PDS5A: variants seen among roughly 807,000 people sequenced by gnomAD.
PDS5A encodes the protein PDS5 cohesin associated factor A, also known as sister chromatid cohesion protein PDS5 homolog A.
In PDS5A, 42 loss-of-function variants were observed where a neutral mutation model predicts 167.1. The observed-to-expected ratio is 0.25, with a 90% CI of 0.20 to 0.33. The LOEUF (loss-of-function observed/expected upper bound fraction) is 0.33. PDS5A is among the 10% of genes least tolerant of loss of function. PDS5A has a pLI of 1.00. For synonymous variants in PDS5A, 553 were observed against 554.6 expected, an observed-to-expected ratio of 1.00 and a Z score of 0.04; for missense variants, 1,033 against 1,605.9, an observed-to-expected ratio of 0.64 and a Z score of 6.10.
chr4:39,879,183 C>T (rs1043050814), intron 18 of PDS5A, among the ~76,000 whole-genome samples: 19 of 152,066 alleles, frequency 1.2e-4, no homozygotes, highest in African/African-American at 4.3e-4. Flanking sequence ...CCTTCTTTTA[C>T]TCAATCCAAT....
intron 2 of PDS5A, among the ~76,000 whole-genome samples, chr4:39,947,275 G>A (rs1727868165): frequency 6.6e-6 from 1 of 152,086 alleles, no homozygotes; most frequent in Non-Finnish European, 1.5e-5. Context: ...CTAACATTGT[G>A]AAACCCCATC....
chr4:39,955,918 C>T (rs954966172), intron 2 of PDS5A, among the ~76,000 whole-genome samples: 23 of 151,914 alleles, frequency 1.5e-4, no homozygotes, highest in African/African-American at 5.6e-4. Flanking sequence ...AGTTCGAGAC[C>T]AGCCTGGCCA....
At chr4:39,937,087 C>T (rs574296019) in intron 2 of PDS5A, among the ~76,000 whole-genome samples, 1 of 152,296 alleles carries the variant, frequency 6.6e-6, no homozygotes, top group East Asian at 1.9e-4. Flanking sequence ...TTAGTGTTCA[C>T]AGGATTCACT....
At chr4:39,845,693 T>C in intron 29 of PDS5A, 125 bp downstream of exon 29, 1 of 1,075,838 alleles carries the variant, frequency 9.3e-7, no homozygotes, top group South Asian at 3.5e-5. Flanking sequence ...ATGCTTTAAA[T>C]CCATAATGTG....
intron 2 of PDS5A, among the ~76,000 whole-genome samples, chr4:39,931,198 T>C (rs1726024808): frequency 6.6e-6 from 1 of 151,530 alleles, no homozygotes; most frequent in Non-Finnish European, 1.5e-5. Flanking sequence ...CAAGAGTTCC[T>C]TCCACCTCAG....
chr4:39,857,590 AAG>A (rs978535993), intron 26 of PDS5A, among the ~76,000 whole-genome samples: 4 of 152,172 alleles, frequency 2.6e-5, no homozygotes, highest in Admixed American at 1.3e-4. Flanking sequence ...CAGTAACCAT[AAG>A]AGAGATAAGT....
chr4:39,866,874 G>C lies in PDS5A; in HGVS notation c.2629C>G (p.Gln877Glu), dbSNP rs1719504338. Residue 877 changes from glutamine (Q) to glutamate (E), a missense_variant, in exon 23 of 33, where the codon CAA becomes GAA. Gln to Glu is a conservative substitution (Grantham distance 29). Around this residue, in one of 4 missense-constraint regions of PDS5A, gnomAD observed 367 missense variants for 686.7 expected, o/e 0.53. Coordinates refer to ENST00000303538, the MANE Select transcript of PDS5A (RefSeq NM_001100399.2). The part of the protein sequence containing the change: ...MLVSEGDLTE[Q>E]KRISKSDMSR... ...GAAAAATCTCACCTGATCCTCTTTTGCTCTGTCAGGTCACCCTCACTAACC... is the reference window on the plus strand; with the variant it reads ...GAAAAATCTCACCTGATCCTCTTTTCCTCTGTCAGGTCACCCTCACTAACC... 6.2e-7 allele frequency: 1 copy of C among 1,610,530 alleles called. No individual in the cohort carries two copies. The highest frequency in any genetic ancestry group is 1.1e-5 in the South Asian group (1 of 90,386).
At chr4:39,899,053 G>A (rs1437549243) in intron 14 of PDS5A, among the ~76,000 whole-genome samples, 8 of 152,108 alleles carry the variant, frequency 5.3e-5, no homozygotes, top group Admixed American at 3.3e-4. Flanking sequence ...GATGTTGGGA[G>A]GAAGGTACTT....
At chr4:39,843,074 C>T (rs1339277141) in intron 30 of PDS5A, among the ~76,000 whole-genome samples, 1 of 151,308 alleles carries the variant, frequency 6.6e-6, no homozygotes, top group Non-Finnish European at 1.5e-5. Flanking sequence ...TGTATGCCCC[C>T]ATGATGCCCA....
rs1033512601 is a variant in PDS5A, at chr4:39,824,610, T to C, written c.*875A>G. 1.3e-5 allele frequency: 2 copies of C among 152,628 alleles called. No homozygotes were observed. Among genetic ancestry groups the C allele is most frequent in the Non-Finnish European group, 1.5e-5 (1 of 68,024 alleles). The allele number at this position is 152,628 out of a possible 1,614,324, so 9.5% of individuals were successfully genotyped here. On this transcript the variant is annotated 3_prime_UTR_variant, in exon 33 of 33. Coordinates refer to ENST00000303538, the MANE Select transcript of PDS5A (RefSeq NM_001100399.2). ...TTGATTTTTTTTACATTAATAAAAA[T>C]CTGGTGACAAACATTATAAAACCAA...
chr4:39,960,094 A>G (rs924775312), intron 2 of PDS5A, among the ~76,000 whole-genome samples: 3 of 152,014 alleles, frequency 2.0e-5, no homozygotes, highest in African/African-American at 7.2e-5. Context: ...CTTCGTCTCA[A>G]AAAAACAAAC....
rs1560439962 is a variant in PDS5A at position 39,867,765 on chromosome 4, CACACACACACCCCA to C, written c.2506-782_2506-769del. The stretch of plus-strand genomic sequence containing the variant: ...ACACACACACACACACACACACACA[CACACACACACCCCA>C]CAACTGTACTGATTGTGGTGACTGA... On this transcript the variant is annotated intron_variant, in intron 22 of 32. Coordinates refer to ENST00000303538, the MANE Select transcript of PDS5A (RefSeq NM_001100399.2). Among the ~76,000 whole-genome samples the C allele has an allele frequency of 6.7e-5, 10 of 149,726 alleles. No homozygotes were observed. The South Asian group carries it at 1.7e-3, about 26-fold the overall frequency.
chr4:39,969,281 G>C (rs59407597), intron 2 of PDS5A, among the ~76,000 whole-genome samples: 29,606 of 152,146 alleles, frequency 0.19, 3,377 homozygotes, highest in South Asian at 0.27. Flanking sequence ...TGAAAAATTA[G>C]AACAGAAATA....
At chr4:39,974,405 CAAT>C in intron 2 of PDS5A, 1 of 356,296 alleles carries the variant, frequency 2.8e-6, no homozygotes, top group Non-Finnish European at 5.5e-6. Context: ...AATTTGAAAA[CAAT>C]AAATATTAAC....
In PDS5A at chr4:39,958,571, C is replaced by T. The variant is rs1729182574; in HGVS notation, c.138+17869G>A. Among the ~76,000 whole-genome samples, 4 of 149,252 alleles carry T rather than the reference C, an allele frequency of 2.7e-5. No individual in the cohort carries two copies. In the South Asian group the frequency reaches 8.5e-4, roughly 32 times the overall value. On this transcript the variant is annotated intron_variant, in intron 2 of 32. Coordinates refer to ENST00000303538, the MANE Select transcript of PDS5A (RefSeq NM_001100399.2). Reference sequence around the variant, plus strand: ...AGCCTTACCTAACCCTAACTTGCCTCAGCACAAGCAAAATAGTAGTACTCA... The same window carrying T: ...AGCCTTACCTAACCCTAACTTGCCTTAGCACAAGCAAAATAGTAGTACTCA...
At chr4:39,941,048 C>A (rs1305017478) in intron 2 of PDS5A, among the ~76,000 whole-genome samples, 1 of 152,178 alleles carries the variant, frequency 6.6e-6, no homozygotes, top group Non-Finnish European at 1.5e-5. Flanking sequence ...TTCAGGATTG[C>A]CAATCTAATA....
chr4:39,900,304 T>TA (rs1381286373), intron 14 of PDS5A, 122 bp downstream of exon 14: 1 of 629,954 alleles, frequency 1.6e-6, no homozygotes, highest in Admixed American at 2.8e-5. Flanking sequence ...GAAATTATAT[T>TA]TAACTGACAT....
chr4:39,902,478 CA>C lies in PDS5A; in HGVS notation c.1386-19del, dbSNP rs760265136. The stretch of plus-strand genomic sequence containing the variant: ...CCAACAGTCTAGGAAATAACAACAA[CA>C]AAAAAAACCTAAGTGACACAATTAT... On this transcript the variant is annotated intron_variant, in intron 12 of 32. Transcript: ENST00000303538. The C allele has an allele frequency of 4.6e-5, 55 of 1,182,996 alleles. No homozygotes were observed. The highest frequency in any genetic ancestry group is 1.0e-4 in the South Asian group (7 of 70,048). 73.3% of individuals were successfully genotyped at this position (1,182,996 alleles called of 1,614,324 possible).
chr4:39,967,692 G>A (rs1199352476), intron 2 of PDS5A, among the ~76,000 whole-genome samples: 1 of 151,248 alleles, frequency 6.6e-6, no homozygotes, highest in Non-Finnish European at 1.5e-5. Flanking sequence ...AGGCACAGTG[G>A]CTCTCTCCTG....
Sources: allele counts gnomAD v4.1 joint callset (sites outside exome capture counted in the v4.1 genomes callset), GRCh38; gene constraint gnomAD v4.1.1; regional missense constraint gnomAD v4.1.1; transcripts MANE v1.5; gene names NCBI Gene and HGNC (gene_info 2026-07-23, HGNC 2026-07-21).